The following ZSWIM8 variants were observed in gnomAD, a reference collection of about 807,000 sequenced individuals.
The protein encoded by ZSWIM8 is zinc finger SWIM domain-containing protein 8.
In ZSWIM8, 27 loss-of-function variants were observed where a neutral mutation model predicts 173.7. The ratio of observed to expected loss-of-function variants is 0.16; its 90% CI spans 0.11 to 0.21. ZSWIM8 has a LOEUF of 0.21. ZSWIM8 is among the 10% of genes least tolerant of loss of function. The pLI is 1.00. For synonymous variants in ZSWIM8, 958 were observed against 962.0 expected (o/e 1.00, Z 0.08); for missense variants, 1,627 against 2,428.8 (o/e 0.67, Z 6.94).
intron 13 of ZSWIM8, 49 bp from the exon 14 acceptor site, chr10:73,794,492 C>G: frequency 6.4e-7 from 1 of 1,566,646 alleles, no homozygotes; most frequent in Non-Finnish European, 8.7e-7. Flanking sequence ...TGTATTTTTT[C>G]CCATGCATGA....
In ZSWIM8 at chr10:73,797,689, A is replaced by C. The variant is rs1214762902; in HGVS notation, c.3662+84A>C. Reference sequence around the variant, plus strand: ...TAGTGCAATCCAACCATTGTCTCCCAGCATCCTCACTTTCCCTGGTCCTTC... The same window carrying C: ...TAGTGCAATCCAACCATTGTCTCCCCGCATCCTCACTTTCCCTGGTCCTTC... On this transcript the variant is annotated intron_variant, in intron 18 of 25. Coordinates refer to ENST00000604729, the MANE Select transcript of ZSWIM8 (RefSeq NM_001367799.1). The surrounding 1 kb of genome is among the most constrained non-coding windows in gnomAD (Gnocchi z 5.6). The C allele has an allele frequency of 1.3e-6, 2 of 1,567,530 alleles. No homozygotes were observed. Among genetic ancestry groups the C allele is most frequent in the African/African-American group, 1.4e-5 (1 of 73,816 alleles).
chr10:73,797,901 C>T lies in ZSWIM8; in HGVS notation c.3783C>T (p.Ser1261=). The T allele has an allele frequency of 6.2e-7, 1 of 1,613,988 alleles. No individual in the cohort carries two copies. Among genetic ancestry groups the T allele is most frequent in the Non-Finnish European group, 8.5e-7 (1 of 1,179,896 alleles). ...KTVLIKAGGN[S]STSIFTHPSS... The stretch of plus-strand genomic sequence containing the variant: ...TGCTGATCAAGGCAGGGGGCAACAG[C>T]AGCACTTCCATTTTCACACATCCAT... The change falls in exon 19 of 26, where the codon AGC becomes AGT. Residue 1261 remains serine, a synonymous_variant. Transcript: ENST00000604729. This position sits in a 1 kb window ranked among gnomAD's most constrained non-coding sequence, Gnocchi z 5.6.
At chr10:73,796,701 A>G in intron 15 of ZSWIM8, 73 bp from the exon 16 acceptor site, 1 of 1,571,888 alleles carries the variant, frequency 6.4e-7, no homozygotes, top group Non-Finnish European at 8.6e-7. Flanking sequence ...AGGAGAAAGG[A>G]AGGTAATAGA....
chr10:73,799,955 GA>G, intron 21 of ZSWIM8, 55 bp from the exon 22 acceptor site: 2 of 1,569,498 alleles, frequency 1.3e-6, no homozygotes, highest in Non-Finnish European at 1.7e-6. Context: ...GGTGAAGCAC[GA>G]CAGCAACATC....
chr10:73,787,531 C>T (rs958021168), intron 1 of ZSWIM8, among the ~76,000 whole-genome samples: 1 of 152,138 alleles, frequency 6.6e-6, no homozygotes, highest in Non-Finnish European at 1.5e-5. Flanking sequence ...TTACCCCAGT[C>T]CCCCGACTTC....
At position 73,788,655 on chromosome 10, in the gene ZSWIM8, C is replaced by T. The variant is rs1242567795; in HGVS notation, c.209-15C>T. The T allele has an allele frequency of 4.3e-6, 7 of 1,613,434 alleles. No homozygotes were observed. Among genetic ancestry groups the T allele is most frequent in the Admixed American group, 1.7e-5 (1 of 59,986 alleles). ...CCTATTCTCTTTCCCCTGATCCCAA[C>T]CATTGTTTGCAAAGATGGACTGGTG... On this transcript the variant is annotated splice_polypyrimidine_tract_variant and intron_variant, in intron 1 of 25. Coordinates refer to ENST00000604729, the MANE Select transcript of ZSWIM8 (RefSeq NM_001367799.1).
At position 73,801,571 on chromosome 10, in the gene ZSWIM8, GCCCC is replaced by G; in HGVS notation, c.*53_*56del. ...GGGACCCAGGCCTGTGGCTATGGGG[GCCCC>G]TCACACAGGGGGAGTGAAACTTGGC... is the stretch of plus-strand genomic sequence containing the variant. On this transcript the variant is annotated 3_prime_UTR_variant, in exon 26 of 26. Transcript: ENST00000604729. This position sits in a 1 kb window ranked among gnomAD's most constrained non-coding sequence, Gnocchi z 4.9. 2.5e-6 allele frequency: 4 copies of G among 1,595,028 alleles called. No homozygotes were observed. Among genetic ancestry groups the G allele is most frequent in the Non-Finnish European group, 3.4e-6 (4 of 1,172,668 alleles).
At position 73,799,181 on chromosome 10, in the gene ZSWIM8, G is replaced by A; in HGVS notation, c.4356G>A (p.Arg1452=). The A allele has an allele frequency of 6.2e-7, 1 of 1,611,526 alleles. No individual in the cohort carries two copies. The highest frequency in any genetic ancestry group is 8.5e-7 in the Non-Finnish European group (1 of 1,178,794). Residue 1452 remains arginine, a synonymous_variant, in exon 21 of 26, where the codon AGG becomes AGA. Transcript: ENST00000604729. The part of the protein sequence containing the change: ...GATSCSASGI[R]AGGEAGRGMP... ...CAAGCTGTAGTGCCAGTGGGATCAG[G>A]GCAGGTGGGGAAGCTGGGCGGGGTA...
Position 73,794,143 on chromosome 10 carries a change from T to C in ZSWIM8, c.2626-4T>C. ...GAGGTCTGAGCTCCTTCCTGTGCCCTCAGGTGAAGCTGGCATACCAGGAGT... is the reference window on the plus strand; with the variant it reads ...GAGGTCTGAGCTCCTTCCTGTGCCCCCAGGTGAAGCTGGCATACCAGGAGT... On this transcript the variant is annotated splice_region_variant and splice_polypyrimidine_tract_variant and intron_variant, in intron 12 of 25. Coordinates refer to ENST00000604729, the MANE Select transcript of ZSWIM8 (RefSeq NM_001367799.1). 1 of 1,613,904 alleles carries C rather than the reference T, an allele frequency of 6.2e-7. No homozygotes were observed. The highest frequency in any genetic ancestry group is 8.5e-7 in the Non-Finnish European group (1 of 1,179,850).
Position 73,793,791 on chromosome 10 carries a change from TGA to T in ZSWIM8, c.2446-70_2446-69del. Reference sequence around the variant, plus strand: ...ACCTGCTCCCATGCCCCACCCCAAGTGAGAGCATCCTTCTACCTCCACCAAGG... The same window carrying T: ...ACCTGCTCCCATGCCCCACCCCAAGTGAGCATCCTTCTACCTCCACCAAGG... On this transcript the variant is annotated intron_variant, in intron 11 of 25. Coordinates refer to ENST00000604729, the MANE Select transcript of ZSWIM8 (RefSeq NM_001367799.1). 4 of 1,480,312 alleles carry T rather than the reference TGA, an allele frequency of 2.7e-6. No individual in the cohort carries two copies. In the Admixed American group the frequency reaches 7.6e-5, roughly 28 times the overall value. 91.7% of individuals were successfully genotyped at this position (1,480,312 alleles called of 1,614,324 possible). A position where few individuals can be genotyped will look rare whatever the true frequency, so the allele number is the denominator to read the frequency against.
chr10:73,786,099 T>C lies in ZSWIM8; in HGVS notation c.208+13T>C, dbSNP rs1554972140. 31 of 1,541,020 alleles carry C rather than the reference T, an allele frequency of 2.0e-5. No homozygotes were observed. Among genetic ancestry groups the C allele is most frequent in the Middle Eastern group, 3.5e-4 (2 of 5,770 alleles). ...ACCAGAATGCGAGGTGAGAGTGAGC[T>C]GGGGGGAAGAGGAGCGGCAGGCCCT... On this transcript the variant is annotated intron_variant, in intron 1 of 25. Coordinates refer to ENST00000604729, the MANE Select transcript of ZSWIM8 (RefSeq NM_001367799.1).
intron 21 of ZSWIM8, 107 bp from the exon 22 acceptor site, chr10:73,799,904 C>CTCTATCA (rs141230821): frequency 8.8e-7 from 1 of 1,132,082 alleles, no homozygotes; most frequent in African/African-American, 1.5e-5. Flanking sequence ...CAGAGCGAGA[C>CTCTATCA]TCTATCTCAA....
rs752130063 is a variant in ZSWIM8, at chr10:73,801,542, T to C, written c.*23T>C. ...TGAGTCTTTCACCCTTAGGGTCCTA[T>C]ACAGGGACCCAGGCCTGTGGCTATG... is the stretch of plus-strand genomic sequence containing the variant. On this transcript the variant is annotated 3_prime_UTR_variant, in exon 26 of 26. Coordinates refer to ENST00000604729, the MANE Select transcript of ZSWIM8 (RefSeq NM_001367799.1). The surrounding 1 kb of genome is among the most constrained non-coding windows in gnomAD (Gnocchi z 4.9). 1 of 1,612,080 alleles carries C rather than the reference T, an allele frequency of 6.2e-7. No homozygotes were observed. The highest frequency in any genetic ancestry group is 2.2e-5 in the East Asian group (1 of 44,846).
At position 73,799,577 on chromosome 10, in the gene ZSWIM8, T is replaced by C. The variant is rs780550709; in HGVS notation, c.4665+87T>C. The C allele has an allele frequency of 1.2e-5, 19 of 1,537,048 alleles. No homozygotes were observed. The South Asian group carries it at 1.4e-4, about 12-fold the overall frequency. ...TGGAGTGGGTACTCTGGGAGTATAATTGGTCAGTCGGAGAGTCCTGGTGAG... is the reference window on the plus strand; with the variant it reads ...TGGAGTGGGTACTCTGGGAGTATAACTGGTCAGTCGGAGAGTCCTGGTGAG... On this transcript the variant is annotated intron_variant, in intron 21 of 25. Transcript: ENST00000604729.
At chr10:73,787,949 AC>A (rs1343079794) in intron 1 of ZSWIM8, among the ~76,000 whole-genome samples, 5 of 152,220 alleles carry the variant, frequency 3.3e-5, no homozygotes, top group African/African-American at 1.2e-4. Flanking sequence ...TATTAATGTG[AC>A]TAGCAATTTT....
rs1347570061 is a variant in ZSWIM8, at chr10:73,800,522, T to C, written c.5002+50T>C. The C allele has an allele frequency of 1.3e-5, 21 of 1,607,844 alleles. No homozygotes were observed. Among genetic ancestry groups the C allele is most frequent in the Non-Finnish European group, 1.7e-5 (20 of 1,176,490 alleles). On this transcript the variant is annotated intron_variant, in intron 23 of 25. Coordinates refer to ENST00000604729, the MANE Select transcript of ZSWIM8 (RefSeq NM_001367799.1). This position sits in a 1 kb window ranked among gnomAD's most constrained non-coding sequence, Gnocchi z 4.1. ...TCCTACCTGCAGTTGTGCCAGTGGCTCTTCAGAGGACCCTTCCTCTAGCTC... is the reference window on the plus strand; with the variant it reads ...TCCTACCTGCAGTTGTGCCAGTGGCCCTTCAGAGGACCCTTCCTCTAGCTC...
At chr10:73,795,795 C>A in intron 15 of ZSWIM8, 132 bp downstream of exon 15, 3 of 945,892 alleles carry the variant, frequency 3.2e-6, no homozygotes, top group African/African-American at 1.7e-5. Flanking sequence ...CCGTCTCTAC[C>A]AAAAAATACA....
intron 21 of ZSWIM8, 43 bp from the exon 22 acceptor site, chr10:73,799,968 T>C (rs780701045): frequency 1.9e-6 from 3 of 1,595,780 alleles, no homozygotes; most frequent in Non-Finnish European, 2.6e-6. Flanking sequence ...AGCAACATCC[T>C]AATCAAGTTT....
At position 73,789,803 on chromosome 10, in the gene ZSWIM8, C is replaced by T. The variant is rs768542016; in HGVS notation, c.717C>T (p.Leu239=). 6.2e-7 allele frequency: 1 copy of T among 1,608,500 alleles called. No homozygotes were observed. The highest frequency in any genetic ancestry group is 1.1e-5 in the South Asian group (1 of 89,838). Reference sequence around the variant, plus strand: ...AGCTGCAAAAGTTTGCTCAGTACCTCATCAGTGAGCTCCCTCAGCAGGTGG... The same window carrying T: ...AGCTGCAAAAGTTTGCTCAGTACCTTATCAGTGAGCTCCCTCAGCAGGTGG... ...RDQLQKFAQY[L]ISELPQQILP... is the part of the protein sequence containing the mutation. The change falls in exon 5 of 26, where the codon CTC becomes CTT. Residue 239 remains leucine, a synonymous_variant. Transcript: ENST00000604729. This position sits in a 1 kb window ranked among gnomAD's most constrained non-coding sequence, Gnocchi z 6.8.
Sources: allele counts gnomAD v4.1 joint callset (sites outside exome capture counted in the v4.1 genomes callset), GRCh38; gene constraint gnomAD v4.1.1; non-coding constraint Gnocchi (gnomAD v3.1); transcripts MANE v1.5; gene names NCBI Gene and HGNC (gene_info 2026-07-23, HGNC 2026-07-21).